Variants in PRELID2 observed in about 807,000 individuals in gnomAD.
The protein encoded by PRELID2 is PRELI domain containing 2.
A neutral mutation model predicts 28.4 loss-of-function variants in PRELID2; 25 were observed. That is an observed-to-expected ratio of 0.88 (90% CI 0.64 to 1.23). The LOEUF is 1.23. Ranked by LOEUF, PRELID2 falls within the 50% of genes most tolerant of loss-of-function variation. PRELID2 has a pLI of 0.00. For missense variants in PRELID2, 201 were observed against 214.4 expected (o/e 0.94, Z 0.39); for synonymous variants, 76 against 71.6 (o/e 1.06, Z -0.31).
chr5:145,549,635 A>C (rs1561504183), intron 1 of PRELID2, among the ~76,000 whole-genome samples: 1 of 134,782 alleles, frequency 7.4e-6, no homozygotes, highest in Non-Finnish European at 1.5e-5. Context: ...TCTACTAAAA[A>C]TACAAAAAAA....
At chr5:145,269,875 T>C in the PRELID2 span, among the ~76,000 whole-genome samples, 4 of 145,212 alleles carry the variant, frequency 2.8e-5, no homozygotes, top group East Asian at 7.8e-4. Context: ...TACATATATA[T>C]GTATATATAT....
At chr5:145,788,329 G>C (rs529844820) in intron 5 of PRELID2, among the ~76,000 whole-genome samples, 1 of 152,276 alleles carries the variant, frequency 6.6e-6, no homozygotes, top group South Asian at 2.1e-4. Flanking sequence ...GCAAATACTT[G>C]TCTTCAGCAT....
chr5:145,593,698 A>G (rs892774882), intron 1 of PRELID2, among the ~76,000 whole-genome samples: 2 of 152,172 alleles, frequency 1.3e-5, no homozygotes, highest in African/African-American at 2.4e-5. Context: ...CAGTTCAACA[A>G]CTTGGGTTGG....
At chr5:145,609,310 T>G (rs2149643701) in intron 1 of PRELID2, among the ~76,000 whole-genome samples, 1 of 152,226 alleles carries the variant, frequency 6.6e-6, no homozygotes, top group Non-Finnish European at 1.5e-5. Flanking sequence ...GGGACTAGTG[T>G]GGTTGTTTGG....
At chr5:145,558,480 T>G in intron 1 of PRELID2, among the ~76,000 whole-genome samples, 1 of 152,242 alleles carries the variant, frequency 6.6e-6, no homozygotes, top group East Asian at 1.9e-4. Flanking sequence ...CTGATAACTC[T>G]GTAGTTACAA....
At position 145,760,126 on chromosome 5, in the gene PRELID2, C is replaced by T. The variant is rs1254669440; in HGVS notation, c.*410G>A. 2.0e-5 allele frequency: 3 copies of T among 152,132 alleles called. No individual in the cohort carries two copies. The highest frequency in any genetic ancestry group is 7.2e-5 in the African/African-American group (3 of 41,416). The allele number at this position is 152,132 out of a possible 1,614,324, so 9.4% of individuals were successfully genotyped here. On this transcript the variant is annotated 3_prime_UTR_variant, in exon 7 of 7. Coordinates refer to ENST00000683046, the MANE Select transcript of PRELID2 (RefSeq NM_205846.3). The stretch of plus-strand genomic sequence containing the variant: ...AGAATCCCCTCACGAATCCTAGGAA[C>T]AACGGTGCTGATAACATAAGGGCAC...
intron 1 of PRELID2, among the ~76,000 whole-genome samples, chr5:145,586,292 T>G (rs1451652291): frequency 1.3e-5 from 2 of 152,000 alleles, no homozygotes; most frequent in East Asian, 3.9e-4. Context: ...TGCATAAAAC[T>G]TCTCCCATCA....
the PRELID2 span, chr5:145,450,996 A>G: frequency 6.6e-6 from 1 of 152,166 alleles, no homozygotes; most frequent in Admixed American, 6.5e-5. Flanking sequence ...CTTGGCCAAG[A>G]TGTATTGGCA....
At chr5:145,334,995 G>A in the PRELID2 span, among the ~76,000 whole-genome samples, 1 of 151,810 alleles carries the variant, frequency 6.6e-6, no homozygotes, top group Admixed American at 6.6e-5. Context: ...ATATAAACCT[G>A]GACATCCTAC....
the PRELID2 span, among the ~76,000 whole-genome samples, chr5:145,321,595 C>T: frequency 6.6e-6 from 1 of 152,208 alleles, no homozygotes; most frequent in Non-Finnish European, 1.5e-5. Flanking sequence ...CTTCACTTGC[C>T]CGCAAGCACC....
the PRELID2 span, among the ~76,000 whole-genome samples, chr5:145,336,521 A>G: frequency 6.6e-6 from 1 of 151,916 alleles, no homozygotes; most frequent in East Asian, 1.9e-4. Context: ...CACCATTTAT[A>G]AAATAGGGAA....
chr5:145,647,361 A>G (rs1308260207), intron 1 of PRELID2, among the ~76,000 whole-genome samples: 1 of 151,408 alleles, frequency 6.6e-6, no homozygotes, highest in African/African-American at 2.4e-5. Flanking sequence ...TGGTCGACGC[A>G]CCTCCCCCCA....
In PRELID2 at chr5:145,818,028, G is replaced by T; in HGVS notation, c.234C>A (p.Ile78=). ...RKVSILKVPN[I]QLEEESWLNP... ...TGAGCCATGACTCCTCTTCTAATTG[G>T]ATATTAGGTACTTTCAAAATGCTCA... Residue 78 remains isoleucine, a synonymous_variant, in exon 4 of 7, where the codon ATC becomes ATA. Transcript: ENST00000683046. 1 of 1,612,046 alleles carries T rather than the reference G, an allele frequency of 6.2e-7. No individual in the cohort carries two copies. The highest frequency in any genetic ancestry group is 8.5e-7 in the Non-Finnish European group (1 of 1,179,068).
intron 1 of PRELID2, among the ~76,000 whole-genome samples, chr5:145,654,633 A>G (rs1221386863): frequency 6.6e-6 from 1 of 152,252 alleles, no homozygotes; most frequent in Admixed American, 6.5e-5. Flanking sequence ...TATAAGCAGA[A>G]ACAAAGACAA....
chr5:145,297,794 C>T, the PRELID2 span, among the ~76,000 whole-genome samples: 2 of 151,976 alleles, frequency 1.3e-5, no homozygotes, highest in Non-Finnish European at 2.9e-5. Flanking sequence ...AATCAAGGTA[C>T]AAAAATCACA....
rs188168262 is a variant in PRELID2 at position 145,729,259 on chromosome 5, A to T, written n.70+35672T>A. ...ATGAATGATGCTGCAAAAATTGCTA[A>T]CATACCAAAATCAAGCATATTCCAC... is the stretch of plus-strand genomic sequence containing the variant. On this transcript the variant is annotated intron_variant and non_coding_transcript_variant, in intron 1 of 2. Coordinates refer to the PRELID2 transcript ENST00000510259. 2.4e-4 allele frequency: 260 copies of T among 1,066,580 alleles called. 1 individual carries two copies. Among genetic ancestry groups the T allele is most frequent in the South Asian group, 1.7e-3 (129 of 75,808 alleles). The allele number at this position is 1,066,580 out of a possible 1,614,324, so 66.1% of individuals were successfully genotyped here. A position where few individuals can be genotyped will look rare whatever the true frequency, so the allele number is the denominator to read the frequency against.
the PRELID2 span, among the ~76,000 whole-genome samples, chr5:145,457,720 T>C: frequency 6.6e-6 from 1 of 152,186 alleles, no homozygotes; most frequent in Non-Finnish European, 1.5e-5. Flanking sequence ...GTAATATGAT[T>C]CATTTTGGAC....
At chr5:145,230,171 G>T in the PRELID2 span, 1 of 406,322 alleles carries the variant, frequency 2.5e-6, no homozygotes, top group Non-Finnish European at 4.7e-6. Context: ...CAACCTAGTG[G>T]GGCTGCCAGG....
At chr5:145,348,785 CA>C in the PRELID2 span, among the ~76,000 whole-genome samples, 71 of 152,128 alleles carry the variant, frequency 4.7e-4, no homozygotes, top group African/African-American at 1.6e-3. Flanking sequence ...GGCATTATCA[CA>C]ATGTTGATTT....
Sources: gnomAD v4.1 joint callset for allele counts (sites outside exome capture counted in the v4.1 genomes callset) on GRCh38, gnomAD v4.1.1 for gene constraint, MANE v1.5 for transcripts, NCBI Gene and HGNC (gene_info 2026-07-23, HGNC 2026-07-21) for gene names.